Variants in TRPM3 observed in about 807,000 individuals in gnomAD.
TRPM3 encodes transient receptor potential cation channel subfamily M member 3.
In TRPM3, 77 loss-of-function variants were observed where a neutral mutation model predicts 181.2. That is an observed-to-expected ratio of 0.42 (90% CI 0.35 to 0.51). The LOEUF (loss-of-function observed/expected upper bound fraction) is 0.51. Ranked by LOEUF, TRPM3 falls within the 20% of genes least tolerant of loss-of-function variation. The pLI is 0.01. For missense variants in TRPM3, 1,759 were observed against 2,196.7 expected (o/e 0.80, Z 3.98); for synonymous variants, 745 against 796.4 (o/e 0.94, Z 1.09).
chr9:70,925,224 C>A (rs753195871), intron 1 of TRPM3, among the ~76,000 whole-genome samples: 1 of 152,146 alleles, frequency 6.6e-6, no homozygotes, highest in African/African-American at 2.4e-5. Context: ...GGGCGTTCAA[C>A]GAAGTCTACT....
At chr9:71,321,294 C>T (rs2089200367) in intron 1 of TRPM3, among the ~76,000 whole-genome samples, 1 of 152,168 alleles carries the variant, frequency 6.6e-6, no homozygotes, top group Admixed American at 6.6e-5. Context: ...CTAACATTGT[C>T]ATCACCTCTT....
At chr9:70,960,816 C>T (rs990008587) in intron 1 of TRPM3, among the ~76,000 whole-genome samples, 1 of 152,142 alleles carries the variant, frequency 6.6e-6, no homozygotes, top group African/African-American at 2.4e-5. Context: ...TCCGTGTTTC[C>T]CTGGCCACCG....
intron 1 of TRPM3, among the ~76,000 whole-genome samples, chr9:70,914,329 C>T (rs2096568916): frequency 2.0e-5 from 3 of 152,186 alleles, no homozygotes; most frequent in Admixed American, 2.0e-4. Context: ...GCACTGTGAT[C>T]TTGGACTTCC....
At chr9:71,426,376 ACTT>A (rs1341330240) in intron 1 of TRPM3, among the ~76,000 whole-genome samples, 3 of 151,746 alleles carry the variant, frequency 2.0e-5, no homozygotes, top group Non-Finnish European at 4.4e-5. Flanking sequence ...ATATTACCTA[ACTT>A]GTTTTTCTCA....
intron 1 of TRPM3, among the ~76,000 whole-genome samples, chr9:71,017,500 AAATGTTT>A (rs1224642941): frequency 6.6e-6 from 1 of 151,904 alleles, no homozygotes; most frequent in Non-Finnish European, 1.5e-5. Flanking sequence ...TAAGGATGTA[AAATGTTT>A]AAAATAGAAA....
At chr9:70,828,559 G>A in intron 5 of TRPM3, among the ~76,000 whole-genome samples, 1 of 151,832 alleles carries the variant, frequency 6.6e-6, no homozygotes, top group Middle Eastern at 3.2e-3. Context: ...TGGAAATCTT[G>A]AATATAAAAT....
intron 1 of TRPM3, among the ~76,000 whole-genome samples, chr9:71,048,786 A>C (rs1241073658): frequency 6.6e-6 from 1 of 152,208 alleles, no homozygotes; most frequent in Non-Finnish European, 1.5e-5. Context: ...CCAATTTCTG[A>C]GACTACCTCA....
intron 1 of TRPM3, among the ~76,000 whole-genome samples, chr9:71,310,564 G>T (rs2087828821): frequency 6.6e-6 from 1 of 152,054 alleles, no homozygotes; most frequent in Admixed American, 6.6e-5. Flanking sequence ...TAGCCACCAA[G>T]CAAGTTTCCT....
intron 22 of TRPM3, among the ~76,000 whole-genome samples, chr9:70,564,510 T>C (rs1257375559): frequency 2.0e-5 from 3 of 152,166 alleles, no homozygotes; most frequent in Non-Finnish European, 4.4e-5. Flanking sequence ...GTTGTTTCTG[T>C]TTAAAATGGA....
chr9:71,399,525 TG>T (rs67948538), intron 1 of TRPM3, among the ~76,000 whole-genome samples: 36,839 of 113,074 alleles, frequency 0.33, 7,297 homozygotes, highest in Non-Finnish European at 0.42. Flanking sequence ...TATTTTCTTT[TG>T]TTTTTTTTTT....
At chr9:71,310,622 T>C (rs1464608517) in intron 1 of TRPM3, among the ~76,000 whole-genome samples, 1 of 152,090 alleles carries the variant, frequency 6.6e-6, no homozygotes, top group East Asian at 1.9e-4. Flanking sequence ...AAGGGGGGTG[T>C]CTTGTATGAT....
intron 1 of TRPM3, among the ~76,000 whole-genome samples, chr9:70,875,383 CTTTTA>C (rs1268265988): frequency 6.6e-6 from 1 of 151,756 alleles, no homozygotes; most frequent in African/African-American, 2.4e-5. Flanking sequence ...GCAATCATTT[CTTTTA>C]TAAGTAAACA....
chr9:71,076,817 T>C (rs565898767), intron 1 of TRPM3, among the ~76,000 whole-genome samples: 4 of 152,300 alleles, frequency 2.6e-5, no homozygotes, highest in African/African-American at 7.2e-5. Context: ...TTAGGTACAG[T>C]GTGATTGAGA....
chr9:71,420,641 GAGAGAAAGAGAA>G (rs1185802849), intron 1 of TRPM3, among the ~76,000 whole-genome samples: 3 of 124,710 alleles, frequency 2.4e-5, no homozygotes. Context: ...AAGAAAAAGA[GAGAGAAAGAGAA>G]AGAAAAAGAG....
intron 1 of TRPM3, among the ~76,000 whole-genome samples, chr9:71,403,812 T>C (rs113183615): frequency 0.029 from 4,364 of 149,716 alleles, 205 homozygotes; most frequent in African/African-American, 0.1. Context: ...CTAAGACCCA[T>C]GGAACCTCAG....
At chr9:71,081,574 T>A (rs2064352950) in intron 1 of TRPM3, among the ~76,000 whole-genome samples, 1 of 152,132 alleles carries the variant, frequency 6.6e-6, no homozygotes, top group Non-Finnish European at 1.5e-5. Context: ...AAGACAAGAA[T>A]CCTTTATGGA....
Position 71,020,057 on chromosome 9 carries a change from T to C in TRPM3, c.177+101121A>G, listed in dbSNP as rs557574755. Among the ~76,000 whole-genome samples the C allele has an allele frequency of 3.3e-5, 5 of 151,960 alleles. 1 individual carries two copies. In the East Asian group the frequency reaches 9.7e-4, roughly 29 times the overall value. ...TTTCAGTTGGTCTTTGATCTAAATA[T>C]AAAAGGCAAAACAACTAAGCTTCTA... On this transcript the variant is annotated intron_variant, in intron 1 of 25. Coordinates refer to ENST00000677713, the MANE Select transcript of TRPM3 (RefSeq NM_001366145.2).
intron 8 of TRPM3, among the ~76,000 whole-genome samples, chr9:70,748,253 A>T (rs1460976830): frequency 1.3e-5 from 2 of 152,156 alleles, no homozygotes; most frequent in African/African-American, 4.8e-5. Context: ...CACAATTTGT[A>T]AGTCCTTGGC....
intron 1 of TRPM3, among the ~76,000 whole-genome samples, chr9:71,084,134 T>C (rs2064877564): frequency 6.6e-6 from 1 of 152,028 alleles, no homozygotes; most frequent in Non-Finnish European, 1.5e-5. Flanking sequence ...AATGTTGTGA[T>C]AGGTACTTCC....
Sources: gnomAD v4.1 joint callset for allele counts (sites outside exome capture counted in the v4.1 genomes callset) on GRCh38, gnomAD v4.1.1 for gene constraint, MANE v1.5 for transcripts, NCBI Gene and HGNC (gene_info 2026-07-23, HGNC 2026-07-21) for gene names.